SYNE2: variants seen among roughly 807,000 people sequenced by gnomAD.
SYNE2 encodes the protein nesprin-2.
SYNE2 carries 431 observed loss-of-function variants against 856.3 expected under a neutral mutation model. The ratio of observed to expected loss-of-function variants is 0.50; its 90% CI spans 0.47 to 0.55. SYNE2 has a LOEUF of 0.55. Among genes scored for constraint, SYNE2 ranks in the 20% least tolerant of loss-of-function variants. SYNE2 has a pLI of 0.00. For missense variants in SYNE2, 8,129 were observed against 8,023.2 expected (o/e 1.01, Z -0.50); for synonymous variants, 2,923 against 2,872.3 (o/e 1.02, Z -0.56).
At chr14:63,895,545 G>A (rs548467532) in intron 1 of SYNE2, among the ~76,000 whole-genome samples, 1 of 148,304 alleles carries the variant, frequency 6.7e-6, no homozygotes, top group South Asian at 2.1e-4. Context: ...TTAAGCCTGG[G>A]AGTTTGAGAC....
At chr14:64,093,539 T>C (rs938676244) in intron 61 of SYNE2, 59 bp downstream of exon 61, 2 of 1,602,294 alleles carry the variant, frequency 1.2e-6, no homozygotes, top group African/African-American at 2.7e-5. Flanking sequence ...ATTTATTTAA[T>C]ACTTACTAAG....
chr14:64,163,167 CTA>C (rs1175800372), intron 88 of SYNE2, among the ~76,000 whole-genome samples: 2 of 152,202 alleles, frequency 1.3e-5, no homozygotes, highest in Non-Finnish European at 2.9e-5. Context: ...AGCCTCGACT[CTA>C]TTAGTCAGTG....
At position 64,215,287 on chromosome 14, in the gene SYNE2, T is replaced by C. The variant is rs758543925; in HGVS notation, c.19335T>C (p.Asp6445=). The change falls in exon 107 of 116, where the codon GAT becomes GAC. Residue 6445 remains aspartate, a splice_region_variant and synonymous_variant. Transcript: ENST00000555002. ...GCAAATGACATTGTTCTTTTTCAGA[T>C]GTAGAAATCCCTGAAAATCCTGAGG... is the stretch of plus-strand genomic sequence containing the variant. ...EEGPYYSALS[D]VEIPENPEAY... 3 of 1,614,036 alleles carry C rather than the reference T, an allele frequency of 1.9e-6. No individual in the cohort carries two copies. The highest frequency in any genetic ancestry group is 4.5e-5 in the East Asian group (2 of 44,906).
upstream of SYNE2, among the ~76,000 whole-genome samples, chr14:63,852,823 G>C (rs1890666423): frequency 6.6e-6 from 1 of 152,096 alleles, no homozygotes; most frequent in South Asian, 2.1e-4. Context: ...TGTCCCAAAA[G>C]ACGGGGAGAA....
intron 33 of SYNE2, among the ~76,000 whole-genome samples, chr14:64,016,915 T>G (rs1229648629): frequency 6.6e-6 from 1 of 152,146 alleles, no homozygotes; most frequent in East Asian, 1.9e-4. Context: ...TAATATAATT[T>G]TGGTTGAGTA....
At chr14:63,859,939 C>CCTTT (rs2140140752) in intron 1 of SYNE2, among the ~76,000 whole-genome samples, 1 of 70,588 alleles carries the variant, frequency 1.4e-5, no homozygotes, top group Non-Finnish European at 3.2e-5. Flanking sequence ...TCCCTTCTCC[C>CCTTT]CTTCCTTCCC....
Position 64,065,644 on chromosome 14 carries a change from T to C in SYNE2, c.10425T>C (p.Ser3475=). The change falls in exon 51 of 116, where the codon AGT becomes AGC. Residue 3475 remains serine (S), a synonymous_variant. Coordinates refer to ENST00000555002, the MANE Select transcript of SYNE2 (RefSeq NM_182914.3). The part of the protein sequence containing the change: ...EELKQEWKFV[S]EEIEREAIIL... Reference sequence around the variant, plus strand: ...TGAAGCAGGAATGGAAATTTGTCAGTGAAGAAGTGAGTGCTTCATTTTCAA... The same window carrying C: ...TGAAGCAGGAATGGAAATTTGTCAGCGAAGAAGTGAGTGCTTCATTTTCAA... 6.2e-7 allele frequency: 1 copy of C among 1,614,100 alleles called. No homozygotes were observed. The highest frequency in any genetic ancestry group is 8.5e-7 in the Non-Finnish European group (1 of 1,179,998).
At position 64,186,476 on chromosome 14, in the gene SYNE2, C is replaced by G; in HGVS notation, c.17609C>G (p.Thr5870Ser). The change falls in exon 97 of 116, where the codon ACT becomes AGT. Residue 5870 changes from threonine to serine, a missense_variant. By Grantham distance (58) the Thr-to-Ser change is moderately conservative. Coordinates refer to ENST00000555002, the MANE Select transcript of SYNE2 (RefSeq NM_182914.3). The stretch of plus-strand genomic sequence containing the variant: ...ACTCAGAACTTGAAAGAACTTCAAA[C>G]TATGAAGGCGGACTTAACCCGGCAC... Reference protein sequence around the residue: ...SWTQNLKELQTMKADLTRHVL... With the variant: ...SWTQNLKELQSMKADLTRHVL... The G allele has an allele frequency of 1.2e-6, 2 of 1,614,234 alleles. No individual in the cohort carries two copies. Among genetic ancestry groups the G allele is most frequent in the South Asian group, 1.1e-5 (1 of 91,090 alleles).
chr14:63,845,438 T>G (rs969967146), intron 1 of SYNE2, among the ~76,000 whole-genome samples: 2 of 151,632 alleles, frequency 1.3e-5, no homozygotes, highest in African/African-American at 4.8e-5. Flanking sequence ...AAAAGTCAAA[T>G]GTATTTTCAT....
intron 52 of SYNE2, 24 bp downstream of exon 52, chr14:64,070,934 A>G (rs1290583484): frequency 1.9e-6 from 3 of 1,613,592 alleles, no homozygotes; most frequent in Admixed American, 1.7e-5. Flanking sequence ...AAAACTATTA[A>G]GGACGTGTGC....
At chr14:63,915,178 G>A (rs1043321438) in intron 2 of SYNE2, among the ~76,000 whole-genome samples, 1 of 152,124 alleles carries the variant, frequency 6.6e-6, no homozygotes, top group Admixed American at 6.6e-5. Context: ...TAGATAAAAG[G>A]TACTTTACAA....
At chr14:64,192,293 C>T (rs2098522177) in intron 99 of SYNE2, among the ~76,000 whole-genome samples, 1 of 152,092 alleles carries the variant, frequency 6.6e-6, no homozygotes, top group Admixed American at 6.5e-5. Context: ...CCTAAGTCTT[C>T]TCGGGCCCTT....
chr14:64,136,803 T>C (rs937717767), intron 78 of SYNE2, among the ~76,000 whole-genome samples: 20 of 152,236 alleles, frequency 1.3e-4, no homozygotes, highest in Non-Finnish European at 2.5e-4. Context: ...AGAGAAATAC[T>C]ATTTTATTTA....
chr14:64,188,615 TAAAG>T lies in SYNE2; in HGVS notation c.17780_17783del (p.Lys5927SerfsTer24). 6.2e-7 allele frequency: 1 copy of T among 1,614,030 alleles called. No homozygotes were observed. The highest frequency in any genetic ancestry group is 8.5e-7 in the Non-Finnish European group (1 of 1,179,998). On this transcript the variant is annotated frameshift_variant, in exon 98 of 116. Transcript: ENST00000555002. LOFTEE classifies it high-confidence loss of function. The stretch of plus-strand genomic sequence containing the variant: ...CATGGGTTGTATTCAATGAAAAAAA[TAAAG>T]AGTTGTGTGCCTGGCTGGTGCAGAT...
intron 1 of SYNE2, among the ~76,000 whole-genome samples, chr14:63,782,628 A>G (rs189850902): frequency 2.2e-4 from 34 of 152,176 alleles, no homozygotes; most frequent in Non-Finnish European, 1.5e-5. Context: ...AGACTCTGTG[A>G]GCCCGTATTG....
intron 45 of SYNE2, among the ~76,000 whole-genome samples, chr14:64,041,554 G>C (rs570272225): frequency 6.6e-6 from 1 of 152,318 alleles, no homozygotes; most frequent in Non-Finnish European, 1.5e-5. Flanking sequence ...ATGAACATAT[G>C]AAGAGTAGCT....
At chr14:63,863,165 C>T (rs1209763571) in intron 1 of SYNE2, among the ~76,000 whole-genome samples, 2 of 152,066 alleles carry the variant, frequency 1.3e-5, no homozygotes, top group Non-Finnish European at 2.9e-5. Context: ...TATGTTGCCT[C>T]ATTTGGAAAG....
intron 1 of SYNE2, among the ~76,000 whole-genome samples, chr14:63,806,187 G>C (rs141463072): frequency 0.013 from 1,954 of 152,284 alleles, 26 homozygotes; most frequent in Middle Eastern, 0.041. Context: ...TTTTTAACAT[G>C]AAGAGATGTT....
chr14:63,835,998 A>AT (rs201325032), intron 1 of SYNE2, among the ~76,000 whole-genome samples: 3 of 149,730 alleles, frequency 2.0e-5, no homozygotes, highest in Admixed American at 6.7e-5. Context: ...AAAAAAAAAA[A>AT]GGTGAAAATA....
Sources: allele counts gnomAD v4.1 joint callset (sites outside exome capture counted in the v4.1 genomes callset), GRCh38; gene constraint gnomAD v4.1.1; transcripts MANE v1.5; gene names NCBI Gene and HGNC (gene_info 2026-07-23, HGNC 2026-07-21).